PPARGC1A: variants seen among roughly 807,000 people sequenced by gnomAD.
The protein encoded by PPARGC1A is PPARG coactivator 1 alpha, also known as peroxisome proliferator-activated receptor gamma coactivator 1-alpha.
Under a neutral mutation model 88.7 loss-of-function variants are expected in PPARGC1A, and 25 were observed. The ratio of observed to expected loss-of-function variants is 0.28; its 90% CI spans 0.21 to 0.39. PPARGC1A has a LOEUF of 0.39. Among genes scored for constraint, PPARGC1A ranks in the 10% least tolerant of loss-of-function variants. The pLI, the probability that PPARGC1A is intolerant of heterozygous loss-of-function variation, is 1.00. For missense variants in PPARGC1A, 880 were observed against 968.7 expected, an observed-to-expected ratio of 0.91 and a Z score of 1.22; for synonymous variants, 363 against 355.6, an observed-to-expected ratio of 1.02 and a Z score of -0.24.
intron 2 of PPARGC1A, among the ~76,000 whole-genome samples, chr4:23,855,902 G>A (rs1455762677): frequency 6.6e-6 from 1 of 152,134 alleles, no homozygotes; most frequent in African/African-American, 2.4e-5. Flanking sequence ...TGCTACATCA[G>A]AATGAAACAA....
intron 1 of PPARGC1A, among the ~76,000 whole-genome samples, chr4:23,885,347 A>G (rs1716690960): frequency 6.6e-6 from 1 of 152,236 alleles, no homozygotes; most frequent in Non-Finnish European, 1.5e-5. Flanking sequence ...ATCACACATA[A>G]TAGACACTCA....
At chr4:24,133,524 T>C in the PPARGC1A span, among the ~76,000 whole-genome samples, 233 of 152,320 alleles carry the variant, frequency 1.5e-3, 1 homozygote, top group Non-Finnish European at 3.1e-3. Context: ...TGTTTCGTTA[T>C]CACGTCTTCG....
At chr4:24,335,093 T>C in the PPARGC1A span, among the ~76,000 whole-genome samples, 1 of 152,132 alleles carries the variant, frequency 6.6e-6, no homozygotes, top group Non-Finnish European at 1.5e-5. Flanking sequence ...TCGGAGGAAA[T>C]AATGGGAGTT....
the PPARGC1A span, among the ~76,000 whole-genome samples, chr4:24,137,245 A>G: frequency 6.6e-6 from 1 of 152,242 alleles, no homozygotes; most frequent in East Asian, 1.9e-4. Context: ...GGGAAGACAC[A>G]GGGAGAAGAC....
At chr4:23,841,885 G>T (rs1727107867) in intron 2 of PPARGC1A, among the ~76,000 whole-genome samples, 1 of 151,868 alleles carries the variant, frequency 6.6e-6, no homozygotes, top group Non-Finnish European at 1.5e-5. Flanking sequence ...CTATATTCCT[G>T]ATGTTGAGTT....
chr4:23,794,308 A>C lies in PPARGC1A; in HGVS notation c.*1514T>G, dbSNP rs969314443. On this transcript the variant is annotated 3_prime_UTR_variant, in exon 13 of 13. Transcript: ENST00000264867. The stretch of plus-strand genomic sequence containing the variant: ...ATCTTCTAGAAAAATTTTAGATGAG[A>C]AAATTTCATTCCCCTAACAAATCCA... 2.0e-5 allele frequency: 3 copies of C among 152,612 alleles called. No homozygotes were observed. Among genetic ancestry groups the C allele is most frequent in the African/African-American group, 7.2e-5 (3 of 41,450 alleles). The allele number at this position is 152,612 out of a possible 1,614,324, so 9.5% of individuals were successfully genotyped here. A position where few individuals can be genotyped will look rare whatever the true frequency, so the allele number is the denominator to read the frequency against.
At chr4:24,443,493 G>A in the PPARGC1A span, among the ~76,000 whole-genome samples, 1 of 152,146 alleles carries the variant, frequency 6.6e-6, no homozygotes, top group Non-Finnish European at 1.5e-5. Flanking sequence ...GCTGTGCAGA[G>A]TGTCGGAAAC....
At chr4:23,847,820 G>C (rs770314057) in intron 2 of PPARGC1A, among the ~76,000 whole-genome samples, 4 of 152,100 alleles carry the variant, frequency 2.6e-5, no homozygotes, top group Non-Finnish European at 4.4e-5. Flanking sequence ...ATTACAAGAA[G>C]GTGAGATTTC....
chr4:24,064,601 A>G, the PPARGC1A span, among the ~76,000 whole-genome samples: 1 of 152,066 alleles, frequency 6.6e-6, no homozygotes, highest in African/African-American at 2.4e-5. Flanking sequence ...AAAGACACAC[A>G]GCTCATATAA....
the PPARGC1A span, among the ~76,000 whole-genome samples, chr4:24,391,480 G>C: frequency 7.9e-5 from 12 of 152,168 alleles, no homozygotes; most frequent in African/African-American, 2.6e-4. Context: ...TATTGGTTCT[G>C]GTTGGAAATT....
At chr4:23,954,497 A>T in the PPARGC1A span, among the ~76,000 whole-genome samples, 2 of 152,032 alleles carry the variant, frequency 1.3e-5, no homozygotes, top group African/African-American at 4.8e-5. Context: ...AAAAGCTCAC[A>T]TTTAAAAGTT....
chr4:23,918,721 GTCTAT>G, the PPARGC1A span, among the ~76,000 whole-genome samples: 3 of 152,022 alleles, frequency 2.0e-5, no homozygotes, highest in African/African-American at 7.3e-5. Flanking sequence ...ATGGTCCCCT[GTCTAT>G]TCTAACTATT....
chr4:23,903,736 A>G (rs1223555899), upstream of PPARGC1A, among the ~76,000 whole-genome samples: 1 of 152,314 alleles, frequency 6.6e-6, no homozygotes, highest in African/African-American at 2.4e-5. Context: ...TGGTCATAAT[A>G]TCCAGTCTTC....
chr4:23,829,533 C>G lies in PPARGC1A; in HGVS notation c.482G>C (p.Cys161Ser). ...PANTQLSYNE[C>S]SGLSTQNHAN... ...ATGGTTCTGGGTACTGAGACCACTGCATTCATTATAACTTAGCTGAGTGTT... is the reference window on the plus strand; with the variant it reads ...ATGGTTCTGGGTACTGAGACCACTGGATTCATTATAACTTAGCTGAGTGTT... The change falls in exon 4 of 13, where the codon TGC becomes TCC. Residue 161 changes from cysteine (C) to serine (S), a missense_variant. By Grantham distance (112) the Cys-to-Ser change is moderately radical. Transcript: ENST00000264867. 4.3e-6 allele frequency: 7 copies of G among 1,613,382 alleles called. No homozygotes were observed. Among genetic ancestry groups the G allele is most frequent in the Non-Finnish European group, 5.9e-6 (7 of 1,179,364 alleles).
At chr4:23,887,394 A>G (rs1209081585) in intron 1 of PPARGC1A, among the ~76,000 whole-genome samples, 1 of 152,214 alleles carries the variant, frequency 6.6e-6, no homozygotes, top group Non-Finnish European at 1.5e-5. Context: ...GCCAGACTTA[A>G]CAGTCCAAGC....
At chr4:24,243,420 T>C in the PPARGC1A span, among the ~76,000 whole-genome samples, 1 of 152,202 alleles carries the variant, frequency 6.6e-6, no homozygotes. Context: ...GCATCAGGAA[T>C]GGTCCAGAAG....
At chr4:24,318,194 A>C in the PPARGC1A span, among the ~76,000 whole-genome samples, 1 of 152,228 alleles carries the variant, frequency 6.6e-6, no homozygotes, top group African/African-American at 2.4e-5. Context: ...ACAGGCGACC[A>C]CTTGGTATAG....
chr4:23,813,239 C>A, intron 8 of PPARGC1A, 114 bp from the exon 9 acceptor site: 2 of 867,832 alleles, frequency 2.3e-6, no homozygotes, highest in East Asian at 2.4e-5. Context: ...GCTTTTTCTT[C>A]CCAGCTACTA....
At chr4:23,912,971 T>A in the PPARGC1A span, among the ~76,000 whole-genome samples, 490 of 149,652 alleles carry the variant, frequency 3.3e-3, 1 homozygote, top group Non-Finnish European at 2.6e-3. Flanking sequence ...TTTTTTTTTT[T>A]AATTTTTTTA....
Sources: gnomAD v4.1 joint callset for allele counts (sites outside exome capture counted in the v4.1 genomes callset) on GRCh38, gnomAD v4.1.1 for gene constraint, MANE v1.5 for transcripts, NCBI Gene and HGNC (gene_info 2026-07-23, HGNC 2026-07-21) for gene names.